The following CNTLN variants were observed in gnomAD, a reference collection of about 807,000 sequenced individuals.
CNTLN encodes centlein.
CNTLN carries 212 observed loss-of-function variants against 180.0 expected under a neutral mutation model. The observed-to-expected ratio is 1.18, with a 90% CI of 1.05 to 1.32. The LOEUF (loss-of-function observed/expected upper bound fraction) is 1.32. Ranked by LOEUF, CNTLN falls within the 40% of genes most tolerant of loss-of-function variation. CNTLN has a pLI of 0.00. For synonymous variants in CNTLN, 722 were observed against 563.1 expected (o/e 1.28, Z -3.99); for missense variants, 2,095 against 1,610.9 (o/e 1.30, Z -5.14).
intron 12 of CNTLN, among the ~76,000 whole-genome samples, chr9:17,355,307 G>C (rs1030709763): frequency 6.6e-6 from 1 of 152,154 alleles, no homozygotes; most frequent in Non-Finnish European, 1.5e-5. Flanking sequence ...TTACAGGTGT[G>C]AGCCACCGTG....
intron 2 of CNTLN, among the ~76,000 whole-genome samples, chr9:17,162,582 C>T (rs534036695): frequency 5.3e-5 from 8 of 152,186 alleles, no homozygotes; most frequent in Non-Finnish European, 1.0e-4. Flanking sequence ...GAATAGTGGT[C>T]TTCAGGGAAT....
chr9:17,198,644 G>T (rs1310138892), intron 2 of CNTLN, among the ~76,000 whole-genome samples: 2 of 150,438 alleles, frequency 1.3e-5, no homozygotes, highest in Non-Finnish European at 3.0e-5. Context: ...AGAATATGCA[G>T]GTTTGTTACA....
At chr9:17,504,159 A>T (rs577564468), downstream of CNTLN, among the ~76,000 whole-genome samples, 1 of 152,146 alleles carries the variant, frequency 6.6e-6, no homozygotes, top group Non-Finnish European at 1.5e-5. Context: ...GAAAGAAATG[A>T]CCATCAAATG....
intron 5 of CNTLN, among the ~76,000 whole-genome samples, chr9:17,263,091 T>C (rs1827130582): frequency 6.6e-6 from 1 of 151,140 alleles, no homozygotes; most frequent in Admixed American, 6.6e-5. Flanking sequence ...GTGCACAACG[T>C]GCAGGTTTGT....
chr9:17,342,671 A>G (rs550649825), intron 12 of CNTLN, among the ~76,000 whole-genome samples: 1 of 152,276 alleles, frequency 6.6e-6, no homozygotes, highest in Admixed American at 6.5e-5. Context: ...TGATCTAGGG[A>G]TTGTGTTAAT....
At chr9:17,441,532 G>A (rs940283576) in intron 18 of CNTLN, among the ~76,000 whole-genome samples, 3 of 146,988 alleles carry the variant, frequency 2.0e-5, no homozygotes, top group Non-Finnish European at 4.5e-5. Context: ...TGGTGATCAC[G>A]AAGAAAATAC....
rs964758621 is a variant in CNTLN, at chr9:17,429,589, G to C, written c.3114+13400G>C. ...GAATTTTCACATACTTTCACAATTT[G>C]AGAAATACAGAATATCCATGAGTTA... On this transcript the variant is annotated intron_variant, in intron 18 of 25. Transcript: ENST00000380647. 2.0e-5 allele frequency among the ~76,000 whole-genome samples: 3 copies of C among 152,032 alleles called. No individual in the cohort carries two copies. In the East Asian group the frequency reaches 5.8e-4, roughly 29 times the overall value.
chr9:17,296,413 A>G (rs1193000210), intron 6 of CNTLN, among the ~76,000 whole-genome samples: 1 of 152,152 alleles, frequency 6.6e-6, no homozygotes, highest in Non-Finnish European at 1.5e-5. Context: ...ATTAAGAAAT[A>G]CCAAATGTCT....
intron 6 of CNTLN, among the ~76,000 whole-genome samples, chr9:17,284,745 T>C (rs1395628364): frequency 6.6e-6 from 1 of 152,126 alleles, no homozygotes; most frequent in African/African-American, 2.4e-5. Flanking sequence ...GTTTTTCATG[T>C]CTGTATCTCC....
At chr9:17,157,771 T>C (rs1188098689) in intron 2 of CNTLN, among the ~76,000 whole-genome samples, 1 of 152,186 alleles carries the variant, frequency 6.6e-6, no homozygotes, top group Non-Finnish European at 1.5e-5. Flanking sequence ...TTAGTACTTA[T>C]TTGTGAATAA....
intron 12 of CNTLN, among the ~76,000 whole-genome samples, chr9:17,343,415 G>A (rs1821633982): frequency 1.3e-5 from 2 of 152,218 alleles, no homozygotes; most frequent in South Asian, 4.1e-4. Context: ...TAAATGAGAA[G>A]CTTATTTTAT....
At chr9:17,279,691 G>A (rs956414783) in intron 6 of CNTLN, among the ~76,000 whole-genome samples, 4 of 151,468 alleles carry the variant, frequency 2.6e-5, no homozygotes, top group Non-Finnish European at 4.4e-5. Context: ...AGTGTTTCCT[G>A]TCAAACCTGG....
chr9:17,309,066 T>A lies in CNTLN; in HGVS notation c.1155T>A (p.Asn385Lys). The stretch of plus-strand genomic sequence containing the variant: ...TATATTTTTTGAAACAGCTTTACAA[T>A]GAGTTACATATTTGTTTTGAAACCA... Reference protein sequence around the residue: ...AESISYQKLYNELHICFETTK... With the variant: ...AESISYQKLYKELHICFETTK... The change falls in exon 8 of 26, where the codon AAT becomes AAA. Residue 385 changes from asparagine (N) to lysine (K), a missense_variant. Transcript: ENST00000380647. The A allele has an allele frequency of 6.3e-7, 1 of 1,575,878 alleles. No homozygotes were observed. The highest frequency in any genetic ancestry group is 8.6e-7 in the Non-Finnish European group (1 of 1,167,024).
intron 2 of CNTLN, among the ~76,000 whole-genome samples, chr9:17,201,296 T>G (rs576011127): frequency 6.6e-6 from 1 of 152,156 alleles, no homozygotes; most frequent in East Asian, 1.9e-4. Flanking sequence ...GAAATTTTCC[T>G]TTTTTTGTTG....
intron 12 of CNTLN, among the ~76,000 whole-genome samples, chr9:17,348,027 C>T (rs1157511323): frequency 6.6e-6 from 1 of 152,044 alleles, no homozygotes; most frequent in African/African-American, 2.4e-5. Flanking sequence ...AACGGGGTTT[C>T]ACCATGTTGG....
chr9:17,419,428 A>C (rs1221941172), intron 18 of CNTLN, among the ~76,000 whole-genome samples: 3 of 152,150 alleles, frequency 2.0e-5, no homozygotes, highest in African/African-American at 7.2e-5. Context: ...TAAAGATACG[A>C]GTAAAAAACA....
At chr9:17,251,651 GT>G (rs1219401286) in intron 5 of CNTLN, among the ~76,000 whole-genome samples, 1 of 151,570 alleles carries the variant, frequency 6.6e-6, no homozygotes, top group Admixed American at 6.6e-5. Context: ...CTATATGTGA[GT>G]GTTTGTTACA....
At chr9:17,404,873 G>C (rs142419955) in intron 15 of CNTLN, among the ~76,000 whole-genome samples, 2 of 151,404 alleles carry the variant, frequency 1.3e-5, no homozygotes, top group East Asian at 1.9e-4. Context: ...GAGTAGCTGG[G>C]ACTACAGGTG....
chr9:17,358,818 T>A (rs1472171309), intron 12 of CNTLN, among the ~76,000 whole-genome samples: 3 of 152,172 alleles, frequency 2.0e-5, no homozygotes. Flanking sequence ...AAATAGCAGA[T>A]GATGTAGCTA....
Sources: gnomAD v4.1 joint callset for allele counts (sites outside exome capture counted in the v4.1 genomes callset) on GRCh38, gnomAD v4.1.1 for gene constraint, MANE v1.5 for transcripts, NCBI Gene and HGNC (gene_info 2026-07-23, HGNC 2026-07-21) for gene names.